Variants in CEP112 observed in about 807,000 individuals in gnomAD.
The protein encoded by CEP112 is centrosomal protein 112.
Under a neutral mutation model 153.0 loss-of-function variants are expected in CEP112, and 127 were observed. That is an observed-to-expected ratio of 0.83 (90% CI 0.72 to 0.96). The LOEUF (loss-of-function observed/expected upper bound fraction) is 0.96. Ranked by LOEUF, CEP112 falls within the 40% of genes least tolerant of loss-of-function variation. The pLI, the probability that CEP112 is intolerant of heterozygous loss-of-function variation, is 0.00. For synonymous variants in CEP112, 358 were observed against 374.4 expected, an observed-to-expected ratio of 0.96 and a Z score of 0.51; for missense variants, 1,089 against 1,101.2, an observed-to-expected ratio of 0.99 and a Z score of 0.16.
At chr17:66,044,859 C>T (rs542740791) in intron 12 of CEP112, among the ~76,000 whole-genome samples, 3 of 151,886 alleles carry the variant, frequency 2.0e-5, no homozygotes, top group South Asian at 2.1e-4. Flanking sequence ...TTTCATGTTA[C>T]GTCTATTCAA....
chr17:65,637,263 T>C, intron 25 of CEP112, 75 bp from the exon 26 acceptor site: 1 of 991,210 alleles, frequency 1.0e-6, no homozygotes, highest in South Asian at 1.3e-5. Context: ...TATGGTAAGA[T>C]TTTATTTAAA....
At chr17:66,044,251 A>G (rs1431531966) in intron 12 of CEP112, among the ~76,000 whole-genome samples, 2 of 151,850 alleles carry the variant, frequency 1.3e-5, no homozygotes, top group Admixed American at 1.3e-4. Context: ...TATGCAATAA[A>G]CATCAAAGCA....
chr17:65,793,946 T>A (rs1363052912), intron 21 of CEP112, among the ~76,000 whole-genome samples: 1 of 152,230 alleles, frequency 6.6e-6, no homozygotes, highest in African/African-American at 2.4e-5. Flanking sequence ...GCAGTGATTA[T>A]GGAAAAGAAC....
chr17:66,071,697 T>C (rs529099478), intron 8 of CEP112, among the ~76,000 whole-genome samples: 3 of 152,288 alleles, frequency 2.0e-5, no homozygotes, highest in African/African-American at 7.2e-5. Flanking sequence ...GAATCTGAAC[T>C]AACACACCAA....
chr17:66,081,613 A>C (rs898838744), intron 8 of CEP112, among the ~76,000 whole-genome samples: 3 of 102,656 alleles, frequency 2.9e-5, no homozygotes, highest in Non-Finnish European at 3.9e-5. Flanking sequence ...AGACTCACAG[A>C]CAAAAAAAAA....
At chr17:65,977,808 C>T (rs1309117056) in intron 17 of CEP112, among the ~76,000 whole-genome samples, 3 of 152,196 alleles carry the variant, frequency 2.0e-5, no homozygotes, top group South Asian at 2.1e-4. Flanking sequence ...GGTGCGGTGG[C>T]TCACACCTGT....
chr17:65,636,077 C>A, intron 26 of CEP112, 103 bp from the exon 27 acceptor site: 1 of 1,064,704 alleles, frequency 9.4e-7, no homozygotes, highest in Non-Finnish European at 1.4e-6. Context: ...GTTGAAAAGG[C>A]TATTTGATAT....
In CEP112 at chr17:65,927,703, A is replaced by T; in HGVS notation, c.1873-14T>A. Reference sequence around the variant, plus strand: ...CACTTTTTCCATCTATAAAATTTAAAAATCAAATATTAATTTTTTAAACAA... The same window carrying T: ...CACTTTTTCCATCTATAAAATTTAATAATCAAATATTAATTTTTTAAACAA... On this transcript the variant is annotated splice_polypyrimidine_tract_variant and intron_variant, in intron 18 of 26. Coordinates refer to ENST00000535342, the MANE Select transcript of CEP112 (RefSeq NM_001199165.4). 1 of 1,456,286 alleles carries T rather than the reference A, an allele frequency of 6.9e-7. No individual in the cohort carries two copies. Among genetic ancestry groups the T allele is most frequent in the African/African-American group, 1.4e-5 (1 of 69,574 alleles). The allele number at this position is 1,456,286 out of a possible 1,614,324, so 90.2% of individuals were successfully genotyped here.
At chr17:66,060,415 G>C (rs2066878153) in intron 11 of CEP112, among the ~76,000 whole-genome samples, 1 of 152,090 alleles carries the variant, frequency 6.6e-6, no homozygotes, top group Non-Finnish European at 1.5e-5. Context: ...CCTAAAATTT[G>C]CATGTAACCA....
At chr17:65,811,940 ATAAT>A (rs973129536) in intron 21 of CEP112, among the ~76,000 whole-genome samples, 1 of 152,140 alleles carries the variant, frequency 6.6e-6, no homozygotes, top group African/African-American at 2.4e-5. Context: ...TTTTCTTTCC[ATAAT>A]TAATACATAA....
chr17:65,727,251 G>A (rs2050233292), intron 23 of CEP112, among the ~76,000 whole-genome samples: 2 of 152,220 alleles, frequency 1.3e-5, no homozygotes, highest in South Asian at 4.1e-4. Flanking sequence ...GTAAGAATGA[G>A]CATTTTTTTT....
intron 21 of CEP112, among the ~76,000 whole-genome samples, chr17:65,751,979 TATCTATC>T (rs2051887739): frequency 6.9e-6 from 1 of 145,492 alleles, no homozygotes; most frequent in South Asian, 2.2e-4. Flanking sequence ...TCTATCTATC[TATCTATC>T]TATCTATCTA....
chr17:65,856,944 G>A (rs1444985739), intron 20 of CEP112, among the ~76,000 whole-genome samples: 2 of 152,070 alleles, frequency 1.3e-5, no homozygotes, highest in Non-Finnish European at 2.9e-5. Context: ...CACCCTTCCA[G>A]TACAGGCATA....
rs376136855 is a variant in CEP112 at position 66,156,193 on chromosome 17, C to G, written c.470+18851G>C. Among the ~76,000 whole-genome samples, 6 of 152,208 alleles carry G rather than the reference C, an allele frequency of 3.9e-5. No individual in the cohort carries two copies. In the South Asian group the frequency reaches 6.2e-4, roughly 16 times the overall value. ...CAAAGCTTCCAGAGGAAGGAACAGA[C>G]AGCAATCTTTGCTGTTCTGCAGCCT... On this transcript the variant is annotated intron_variant, in intron 4 of 26. Transcript: ENST00000535342.
chr17:65,640,923 T>A, intron 25 of CEP112, 41 bp downstream of exon 25: 1 of 1,064,518 alleles, frequency 9.4e-7, no homozygotes, highest in African/African-American at 1.6e-5. Context: ...TTTCAGAGTA[T>A]CCCCTAAATC....
intron 2 of CEP112, among the ~76,000 whole-genome samples, chr17:66,182,688 T>C (rs1390748434): frequency 6.6e-6 from 1 of 152,192 alleles, no homozygotes. Flanking sequence ...CATTCCATAA[T>C]TAGAAATAAC....
At chr17:65,857,024 G>A (rs1384497050) in intron 20 of CEP112, among the ~76,000 whole-genome samples, 1 of 152,156 alleles carries the variant, frequency 6.6e-6, no homozygotes, top group African/African-American at 2.4e-5. Flanking sequence ...AGTGAATACT[G>A]CGATGAAGCA....
chr17:66,080,768 C>T (rs1026183699), intron 8 of CEP112, among the ~76,000 whole-genome samples: 3 of 152,118 alleles, frequency 2.0e-5, no homozygotes, highest in Admixed American at 2.0e-4. Flanking sequence ...AACCCAAATG[C>T]CCATCAATGA....
At chr17:66,078,771 G>C (rs143360382) in intron 8 of CEP112, among the ~76,000 whole-genome samples, 2 of 152,016 alleles carry the variant, frequency 1.3e-5, no homozygotes, top group African/African-American at 4.8e-5. Flanking sequence ...TCTAGGATTT[G>C]TTTCAAGATT....
Sources: allele counts gnomAD v4.1 joint callset (sites outside exome capture counted in the v4.1 genomes callset), GRCh38; gene constraint gnomAD v4.1.1; transcripts MANE v1.5; gene names NCBI Gene and HGNC (gene_info 2026-07-23, HGNC 2026-07-21).